CYP3A5: variants seen among roughly 807,000 people sequenced by gnomAD.
CYP3A5 encodes the protein cytochrome P450 family 3 subfamily A member 5, also known as cytochrome P450 3A5.
In CYP3A5, 51 loss-of-function variants were observed where a neutral mutation model predicts 55.9. That is an observed-to-expected ratio of 0.91 (90% CI 0.73 to 1.15). CYP3A5 has a LOEUF of 1.15. CYP3A5 is among the 50% of genes most tolerant of loss of function. The pLI is 0.00. For synonymous variants in CYP3A5, 196 were observed against 213.9 expected, an observed-to-expected ratio of 0.92 and a Z score of 0.73; for missense variants, 533 against 596.6, an observed-to-expected ratio of 0.89 and a Z score of 1.11.
intron 10 of CYP3A5, among the ~76,000 whole-genome samples, chr7:99,656,957 T>G (rs1231688927): frequency 3.9e-5 from 6 of 152,200 alleles, no homozygotes; most frequent in Non-Finnish European, 8.8e-5. Flanking sequence ...TGCATCTATT[T>G]GATTCTTCTC....
chr7:99,663,118 G>T, intron 8 of CYP3A5: 2 of 1,235,848 alleles, frequency 1.6e-6, no homozygotes, highest in Non-Finnish European at 2.0e-6. Flanking sequence ...TTTCGCCTTT[G>T]CCCTCCCTGT....
intron 10 of CYP3A5, among the ~76,000 whole-genome samples, chr7:99,656,201 A>G (rs1297760771): frequency 6.6e-6 from 1 of 152,180 alleles, no homozygotes; most frequent in Admixed American, 6.5e-5. Flanking sequence ...ATTCAGTATG[A>G]TATTGGCTGT....
At chr7:99,655,695 T>A (rs1809651486) in intron 10 of CYP3A5, among the ~76,000 whole-genome samples, 1 of 152,246 alleles carries the variant, frequency 6.6e-6, no homozygotes, top group Non-Finnish European at 1.5e-5. Context: ...ATGATATTGA[T>A]TCTTCCTACC....
At chr7:99,666,905 A>G in intron 5 of CYP3A5, 47 bp downstream of exon 5, 3 of 1,607,202 alleles carry the variant, frequency 1.9e-6, no homozygotes, top group Non-Finnish European at 2.6e-6. Context: ...ACCTGTCCCC[A>G]GATTCATTCT....
At chr7:99,649,953 C>A in intron 12 of CYP3A5, 120 bp downstream of exon 12, 1 of 1,269,768 alleles carries the variant, frequency 7.9e-7, no homozygotes, top group South Asian at 1.5e-5. Flanking sequence ...AAGATGGATC[C>A]AAGTAGGTTC....
At chr7:99,676,861 G>A (rs531828427) in intron 1 of CYP3A5, among the ~76,000 whole-genome samples, 1 of 152,186 alleles carries the variant, frequency 6.6e-6, no homozygotes, top group South Asian at 2.1e-4. Flanking sequence ...TTATAGAAAT[G>A]TGGGCAGCTT....
chr7:99,654,314 G>A (rs924740286), intron 10 of CYP3A5, among the ~76,000 whole-genome samples: 20 of 151,914 alleles, frequency 1.3e-4, no homozygotes, highest in African/African-American at 4.1e-4. Flanking sequence ...TCCCACCTAC[G>A]AGTGAGAACA....
chr7:99,673,355 C>T (rs1248618434), intron 3 of CYP3A5, among the ~76,000 whole-genome samples: 1 of 152,232 alleles, frequency 6.6e-6, no homozygotes, highest in Non-Finnish European at 1.5e-5. Context: ...CACCAAACCT[C>T]TAGCCCCTCT....
At chr7:99,656,954 A>G (rs988670239) in intron 10 of CYP3A5, among the ~76,000 whole-genome samples, 2 of 151,916 alleles carry the variant, frequency 1.3e-5, no homozygotes, top group African/African-American at 2.4e-5. Flanking sequence ...TATTGCATCT[A>G]TTTGATTCTT....
chr7:99,656,095 G>T (rs899639880), intron 10 of CYP3A5, among the ~76,000 whole-genome samples: 1 of 152,090 alleles, frequency 6.6e-6, no homozygotes, highest in Non-Finnish European at 1.5e-5. Context: ...TGATTGCCCT[G>T]GCCAGAACTT....
Position 99,665,331 on chromosome 7 carries a change from AT to A in CYP3A5, c.522-18del, listed in dbSNP as rs1349472512. 1 of 1,613,950 alleles carries A rather than the reference AT, an allele frequency of 6.2e-7. No individual in the cohort carries two copies. Among genetic ancestry groups the A allele is most frequent in the East Asian group, 2.2e-5 (1 of 44,880 alleles). ...CCAAAGATGCTGAGTGGAGAAAGATATGGAAAATTAAAATCAGCACCTCTTA... is the reference window on the plus strand; with the variant it reads ...CCAAAGATGCTGAGTGGAGAAAGATAGGAAAATTAAAATCAGCACCTCTTA... On this transcript the variant is annotated intron_variant, in intron 6 of 12. Transcript: ENST00000222982.
At chr7:99,648,495 G>T in intron 12 of CYP3A5, 95 bp from the exon 13 acceptor site, 2 of 764,330 alleles carry the variant, frequency 2.6e-6, no homozygotes, top group East Asian at 3.6e-5. Context: ...AAAATGCTTT[G>T]CAAGCATATA....
chr7:99,675,175 CA>C (rs958471350), intron 2 of CYP3A5, among the ~76,000 whole-genome samples: 2 of 152,168 alleles, frequency 1.3e-5, no homozygotes, highest in African/African-American at 4.8e-5. Context: ...TAGCTTAACA[CA>C]GAAAAGATGG....
chr7:99,672,924 C>T (rs1342918825), intron 3 of CYP3A5: 1 of 1,291,436 alleles, frequency 7.7e-7, no homozygotes, highest in Non-Finnish European at 9.8e-7. Context: ...TATTGAAAGA[C>T]AAAAGAGCTC....
At chr7:99,670,793 T>C (rs1439938301) in intron 4 of CYP3A5, 1 of 152,196 alleles carries the variant, frequency 6.6e-6, no homozygotes. Context: ...AACCAAAATA[T>C]CTGATGAGCA....
chr7:99,667,435 G>A (rs533070845), intron 4 of CYP3A5, among the ~76,000 whole-genome samples: 2 of 152,346 alleles, frequency 1.3e-5, no homozygotes, highest in Admixed American at 1.3e-4. Context: ...CAGATGGGCA[G>A]ACTGTATGTT....
chr7:99,658,006 C>G (rs1270288851), intron 10 of CYP3A5, among the ~76,000 whole-genome samples: 1 of 152,136 alleles, frequency 6.6e-6, no homozygotes, highest in African/African-American at 2.4e-5. Flanking sequence ...TTCCTGAATA[C>G]AGCACACCGA....
At chr7:99,652,877 T>A in intron 10 of CYP3A5, 98 bp from the exon 11 acceptor site, 1 of 827,260 alleles carries the variant, frequency 1.2e-6, no homozygotes, top group South Asian at 1.7e-5. Flanking sequence ...CTCCAGAGAA[T>A]AACTCATACT....
At chr7:99,660,793 G>T (rs1449587279) in intron 9 of CYP3A5, 134 bp from the exon 10 acceptor site, 12 of 1,061,072 alleles carry the variant, frequency 1.1e-5, no homozygotes, top group Admixed American at 5.1e-5. Flanking sequence ...ACTGGGAGTG[G>T]TTTTCATTCT....
Sources: allele counts gnomAD v4.1 joint callset (sites outside exome capture counted in the v4.1 genomes callset), GRCh38; gene constraint gnomAD v4.1.1; transcripts MANE v1.5; gene names NCBI Gene and HGNC (gene_info 2026-07-23, HGNC 2026-07-21).